The following ERC1 variants were observed in gnomAD, a reference collection of about 807,000 sequenced individuals.
ERC1 encodes the protein RAB6 interacting protein 2.
A neutral mutation model predicts 132.0 loss-of-function variants in ERC1; 56 were observed. That is an observed-to-expected ratio of 0.42 (90% CI 0.34 to 0.53). ERC1 has a LOEUF of 0.53. Ranked by LOEUF, ERC1 falls within the 20% of genes least tolerant of loss-of-function variation. The pLI, the probability that ERC1 is intolerant of heterozygous loss-of-function variation, is 0.03. For missense variants in ERC1, 1,202 were observed against 1,349.9 expected (o/e 0.89, Z 1.72); for synonymous variants, 478 against 476.1 (o/e 1.00, Z -0.05).
chr12:1,208,523 A>G (rs1263483631), intron 12 of ERC1, among the ~76,000 whole-genome samples: 1 of 152,146 alleles, frequency 6.6e-6, no homozygotes, highest in East Asian at 1.9e-4. Context: ...GCAGGTTGTA[A>G]TACCTTTTTA....
At chr12:1,246,530 A>G (rs963684568) in intron 13 of ERC1, among the ~76,000 whole-genome samples, 2 of 152,334 alleles carry the variant, frequency 1.3e-5, no homozygotes, top group East Asian at 3.9e-4. Context: ...TGGTTGTGAA[A>G]GTTAGTGTGT....
intron 14 of ERC1, among the ~76,000 whole-genome samples, chr12:1,280,211 A>G (rs950192666): frequency 6.6e-6 from 1 of 152,232 alleles, no homozygotes; most frequent in African/African-American, 2.4e-5. Context: ...TACGGCTGAA[A>G]GTAAAGCCTT....
At chr12:1,076,052 T>G (rs1418180795) in intron 2 of ERC1, among the ~76,000 whole-genome samples, 1 of 152,240 alleles carries the variant, frequency 6.6e-6, no homozygotes, top group Non-Finnish European at 1.5e-5. Context: ...ATATTGCATG[T>G]AAAATAAATG....
intron 15 of ERC1, among the ~76,000 whole-genome samples, chr12:1,328,336 G>A (rs1209168846): frequency 6.6e-6 from 1 of 151,854 alleles, no homozygotes; most frequent in Non-Finnish European, 1.5e-5. Context: ...TAGAAGTGAA[G>A]CCTCACTTCG....
chr12:1,047,478 G>A (rs1971263986), intron 2 of ERC1, among the ~76,000 whole-genome samples: 1 of 152,066 alleles, frequency 6.6e-6, no homozygotes, highest in Non-Finnish European at 1.5e-5. Flanking sequence ...TCTATTCAAG[G>A]GGAAATCACT....
intron 5 of ERC1, among the ~76,000 whole-genome samples, 182 bp from the exon 6 acceptor site, chr12:1,112,033 G>T (rs1386807284): frequency 3.4e-5 from 3 of 88,450 alleles, no homozygotes; most frequent in Admixed American, 1.5e-4. Context: ...AGTCCACTGT[G>T]GGGGGAAAAA....
At chr12:1,199,775 A>G (rs923448249) in intron 12 of ERC1, among the ~76,000 whole-genome samples, 3 of 151,758 alleles carry the variant, frequency 2.0e-5, no homozygotes, top group Admixed American at 1.3e-4. Flanking sequence ...TGAAACTCCC[A>G]TCTCAGAAAA....
intron 15 of ERC1, among the ~76,000 whole-genome samples, chr12:1,346,944 G>A (rs1220354577): frequency 1.7e-4 from 9 of 51,434 alleles, no homozygotes; most frequent in South Asian, 4.6e-4. Flanking sequence ...GCGAGACTCC[G>A]TCTCAAAAAA....
chr12:1,004,029 G>A (rs573816854), intron 1 of ERC1, among the ~76,000 whole-genome samples: 244 of 152,200 alleles, frequency 1.6e-3, no homozygotes, highest in African/African-American at 5.5e-3. Flanking sequence ...ACTGTCTCAT[G>A]GCAGCTTCTA....
In ERC1 at chr12:1,102,704, G is replaced by A. The variant is rs371778194; in HGVS notation, c.1087-2046G>A. Among the ~76,000 whole-genome samples, 29 of 152,296 alleles carry A rather than the reference G, an allele frequency of 1.9e-4. No individual in the cohort carries two copies. The East Asian group carries it at 3.5e-3, about 18-fold the overall frequency. ...AAACAAAGATCTTAGCTTTTGTGGA[G>A]CGTACATTCTCGTAGAGAATAATAA... On this transcript the variant is annotated intron_variant, in intron 3 of 18. Coordinates refer to ENST00000360905, the MANE Select transcript of ERC1 (RefSeq NM_178040.4).
chr12:1,142,149 G>A (rs1949912574), intron 8 of ERC1, among the ~76,000 whole-genome samples: 1 of 152,082 alleles, frequency 6.6e-6, no homozygotes, highest in African/African-American at 2.4e-5. Flanking sequence ...TCATTTATGT[G>A]TTTAATAAGA....
intron 16 of ERC1, among the ~76,000 whole-genome samples, chr12:1,404,748 G>A (rs1051026612): frequency 2.0e-5 from 3 of 152,180 alleles, no homozygotes; most frequent in African/African-American, 7.2e-5. Context: ...TTACAGGGAT[G>A]CTAATCTCAT....
intron 18 of ERC1, among the ~76,000 whole-genome samples, chr12:1,474,203 C>T (rs575920998): frequency 1.3e-5 from 2 of 152,318 alleles, no homozygotes; most frequent in Admixed American, 6.5e-5. Context: ...ACCTCATGGC[C>T]TGTGACACAT....
intron 7 of ERC1, among the ~76,000 whole-genome samples, chr12:1,118,546 C>G (rs915256642): frequency 6.6e-6 from 1 of 152,178 alleles, no homozygotes. Context: ...CAAATAGAAC[C>G]ATCTCATCAT....
chr12:1,262,902 C>T (rs566664654), intron 13 of ERC1, 132 bp from the exon 14 acceptor site: 47 of 811,632 alleles, frequency 5.8e-5, no homozygotes, highest in Middle Eastern at 3.6e-4. Flanking sequence ...TCCTCTGTGA[C>T]GATATCTTGT....
Position 1,371,960 on chromosome 12 carries a change from C to T in ERC1, c.2908C>T (p.Gln970Ter). The change falls in exon 16 of 19, where the codon CAG (glutamine) becomes TAG (stop). Residue 970 changes from glutamine (Q) to a stop codon, truncating the protein, a stop_gained. Transcript: ENST00000360905. LOFTEE classifies it high-confidence loss of function. ...ALKREKDRLVQQLKQQTQNRM... is the reference protein window; with the variant it reads ...ALKREKDRLV ...GAAGCGGGAGAAGGATCGTCTGGTACAGCAGCTTAAGCAGCAGGTATTATT... is the reference window on the plus strand; with the variant it reads ...GAAGCGGGAGAAGGATCGTCTGGTATAGCAGCTTAAGCAGCAGGTATTATT... The T allele has an allele frequency of 6.2e-7, 1 of 1,613,876 alleles. No homozygotes were observed. Among genetic ancestry groups the T allele is most frequent in the Non-Finnish European group, 8.5e-7 (1 of 1,180,030 alleles).
In ERC1 at chr12:1,490,376, C is replaced by T. The variant is rs138893117; in HGVS notation, c.*146C>T. The T allele has an allele frequency of 1.3e-4, 95 of 736,216 alleles. No individual in the cohort carries two copies. Among genetic ancestry groups the T allele is most frequent in the African/African-American group, 1.2e-3 (67 of 56,558 alleles). 45.6% of individuals were successfully genotyped at this position (736,216 alleles called of 1,614,324 possible). ...ACTTGAAGAAGTGTGATTCCAGCAC[C>T]GTTTCTACATCTGCCATCTTACTCT... On this transcript the variant is annotated 3_prime_UTR_variant, in exon 19 of 19. Transcript: ENST00000360905.
intron 12 of ERC1, among the ~76,000 whole-genome samples, chr12:1,198,570 A>G (rs1308737945): frequency 6.6e-6 from 1 of 152,166 alleles, no homozygotes; most frequent in African/African-American, 2.4e-5. Context: ...TTTGCTAACC[A>G]TCTTTTCCAT....
At chr12:1,038,265 C>G (rs970682767) in intron 2 of ERC1, among the ~76,000 whole-genome samples, 1 of 152,132 alleles carries the variant, frequency 6.6e-6, no homozygotes, top group Non-Finnish European at 1.5e-5. Flanking sequence ...ACCCCATCCT[C>G]CCAGGTCCTT....
Sources: gnomAD v4.1 joint callset for allele counts (sites outside exome capture counted in the v4.1 genomes callset) on GRCh38, gnomAD v4.1.1 for gene constraint, MANE v1.5 for transcripts, NCBI Gene and HGNC (gene_info 2026-07-23, HGNC 2026-07-21) for gene names.